SAMD4A: variants seen among roughly 807,000 people sequenced by gnomAD.
The protein encoded by SAMD4A is protein Smaug homolog 1.
A neutral mutation model predicts 81.3 loss-of-function variants in SAMD4A; 33 were observed. That is an observed-to-expected ratio of 0.41 (90% confidence interval 0.31 to 0.54). SAMD4A has a LOEUF of 0.54. Among genes scored for constraint, SAMD4A ranks in the 20% least tolerant of loss-of-function variants. The pLI, the probability that SAMD4A is intolerant of heterozygous loss-of-function variation, is 0.37. For missense variants in SAMD4A, 854 were observed against 951.1 expected (o/e 0.90, Z 1.34); for synonymous variants, 389 against 382.1 (o/e 1.02, Z -0.21).
intron 3 of SAMD4A, among the ~76,000 whole-genome samples, chr14:54,732,779 C>T (rs2140910294): frequency 6.6e-6 from 1 of 152,200 alleles, no homozygotes; most frequent in East Asian, 1.9e-4. Flanking sequence ...GATAGTTGGG[C>T]CAGTATCCCA....
chr14:54,673,598 C>G (rs953580744), intron 2 of SAMD4A, among the ~76,000 whole-genome samples: 2 of 152,202 alleles, frequency 1.3e-5, no homozygotes, highest in African/African-American at 4.8e-5. Context: ...GAATTCTCAC[C>G]TGCTTTCGGG....
intron 2 of SAMD4A, among the ~76,000 whole-genome samples, chr14:54,659,695 C>T (rs2035596913): frequency 6.6e-6 from 1 of 152,082 alleles, no homozygotes; most frequent in Admixed American, 6.5e-5. Flanking sequence ...TAATGTGAAA[C>T]CTAAAAATGA....
chr14:54,707,785 G>A (rs988555781), intron 3 of SAMD4A, among the ~76,000 whole-genome samples: 2 of 152,062 alleles, frequency 1.3e-5, no homozygotes, highest in African/African-American at 4.8e-5. Context: ...GATAAAGCTG[G>A]AGCAAAGATC....
At chr14:54,766,604 A>G (rs147114883) in intron 8 of SAMD4A, among the ~76,000 whole-genome samples, 23 of 152,232 alleles carry the variant, frequency 1.5e-4, no homozygotes, top group African/African-American at 4.1e-4. Flanking sequence ...GAAGAGAGTG[A>G]TGTCTGCAGG....
chr14:54,756,776 C>T (rs2038250498), intron 6 of SAMD4A, among the ~76,000 whole-genome samples: 1 of 152,094 alleles, frequency 6.6e-6, no homozygotes, highest in Non-Finnish European at 1.5e-5. Context: ...TGTCATATGC[C>T]CAGGAAAGGC....
chr14:54,681,228 G>A (rs953888397), intron 2 of SAMD4A, among the ~76,000 whole-genome samples: 14 of 140,928 alleles, frequency 9.9e-5, no homozygotes, highest in African/African-American at 3.5e-4. Flanking sequence ...ACCACGATGA[G>A]CCTCAGTTTC....
intron 2 of SAMD4A, among the ~76,000 whole-genome samples, chr14:54,678,085 A>C (rs2036031262): frequency 6.6e-6 from 1 of 152,262 alleles, no homozygotes. Context: ...ATGACATGGG[A>C]GGCTTCAGAA....
chr14:54,774,858 T>G, intron 9 of SAMD4A, 76 bp from the exon 10 acceptor site: 1 of 1,070,130 alleles, frequency 9.3e-7, no homozygotes, highest in Non-Finnish European at 1.4e-6. Flanking sequence ...CAAGGCGACA[T>G]CCCTTGGGAA....
chr14:54,592,650 G>C (rs1316758979), intron 2 of SAMD4A, among the ~76,000 whole-genome samples: 1 of 152,006 alleles, frequency 6.6e-6, no homozygotes, highest in Non-Finnish European at 1.5e-5. Context: ...TAGTAGAGAT[G>C]GGGTTTCACC....
chr14:54,690,847 C>T (rs2036414727), intron 2 of SAMD4A, among the ~76,000 whole-genome samples: 1 of 152,204 alleles, frequency 6.6e-6, no homozygotes. Flanking sequence ...TTGTCTTTCT[C>T]CTCACTGAGC....
chr14:54,679,776 G>A (rs1439442373), intron 2 of SAMD4A, among the ~76,000 whole-genome samples: 1 of 152,156 alleles, frequency 6.6e-6, no homozygotes, highest in Admixed American at 6.5e-5. Context: ...GTCTGCAATT[G>A]GGAGACAACT....
rs146150910 is a variant in SAMD4A at position 54,681,623 on chromosome 14, T to G, written c.197-20439T>G. ...TTTTAAAAATCTTCTATAGAGATGG[T>G]ATCTCCCTATGTTACCCAGGCTGGT... On this transcript the variant is annotated intron_variant, in intron 2 of 12. Transcript: ENST00000554335. 2.0e-3 allele frequency among the ~76,000 whole-genome samples: 304 copies of G among 152,246 alleles called. 1 individual carries two copies. Among genetic ancestry groups the G allele is most frequent in the African/African-American group, 6.8e-3 (282 of 41,528 alleles).
At chr14:54,715,423 TAGG>T (rs1211166825) in intron 3 of SAMD4A, among the ~76,000 whole-genome samples, 1 of 152,098 alleles carries the variant, frequency 6.6e-6, no homozygotes, top group Non-Finnish European at 1.5e-5. Flanking sequence ...GTGAAATGTC[TAGG>T]AGAAGTGGGA....
At chr14:54,665,901 G>A (rs1234605839) in intron 2 of SAMD4A, among the ~76,000 whole-genome samples, 1 of 152,126 alleles carries the variant, frequency 6.6e-6, no homozygotes, top group African/African-American at 2.4e-5. Flanking sequence ...CTTACGTTTA[G>A]CAATAATACA....
At chr14:54,675,084 G>A (rs1420196514) in intron 2 of SAMD4A, among the ~76,000 whole-genome samples, 3 of 152,056 alleles carry the variant, frequency 2.0e-5, no homozygotes, top group Admixed American at 6.6e-5. Flanking sequence ...GAAAGCAGAA[G>A]GCCAGGCATG....
chr14:54,742,341 T>TGG (rs535985657), intron 4 of SAMD4A, among the ~76,000 whole-genome samples: 1 of 150,712 alleles, frequency 6.6e-6, no homozygotes, highest in Non-Finnish European at 1.5e-5. Context: ...AGAAATAGAA[T>TGG]GGGGGGGGCA....
intron 10 of SAMD4A, 63 bp downstream of exon 10, chr14:54,775,198 C>T (rs1332716147): frequency 1.3e-6 from 2 of 1,592,558 alleles, no homozygotes; most frequent in African/African-American, 2.7e-5. Context: ...TGCAGATGTC[C>T]CCCCAGGTGA....
intron 2 of SAMD4A, among the ~76,000 whole-genome samples, chr14:54,684,154 A>G (rs1199762676): frequency 6.6e-6 from 1 of 152,212 alleles, no homozygotes; most frequent in African/African-American, 2.4e-5. Context: ...ATTTTTTTCA[A>G]GGGTGCTACC....
chr14:54,641,424 A>G (rs1470546750), intron 2 of SAMD4A, among the ~76,000 whole-genome samples: 1 of 152,144 alleles, frequency 6.6e-6, no homozygotes, highest in Admixed American at 6.5e-5. Flanking sequence ...TGTGATGCCA[A>G]TTTCCTGTCC....
Sources: gnomAD v4.1 joint callset for allele counts (sites outside exome capture counted in the v4.1 genomes callset) on GRCh38, gnomAD v4.1.1 for gene constraint, MANE v1.5 for transcripts, NCBI Gene and HGNC (gene_info 2026-07-23, HGNC 2026-07-21) for gene names.